Variants in NSD2 observed in about 807,000 individuals in gnomAD.
The protein encoded by NSD2 is histone-lysine N-methyltransferase NSD2.
In NSD2, 12 loss-of-function variants were observed where a neutral mutation model predicts 139.0. The observed-to-expected ratio is 0.09, with a 90% CI of 0.06 to 0.14. The LOEUF (loss-of-function observed/expected upper bound fraction) is 0.14. Ranked by LOEUF, NSD2 falls within the 10% of genes least tolerant of loss-of-function variation. The pLI is 1.00. For synonymous variants in NSD2, 669 were observed against 648.7 expected, an observed-to-expected ratio of 1.03 and a Z score of -0.48; for missense variants, 1,155 against 1,745.0, an observed-to-expected ratio of 0.66 and a Z score of 6.02.
At chr4:1,871,744 G>A (rs1289529416) in intron 1 of NSD2, among the ~76,000 whole-genome samples, 1 of 149,844 alleles carries the variant, frequency 6.7e-6, no homozygotes, top group East Asian at 2.0e-4. Flanking sequence ...GGCGGCCTGA[G>A]AGGGTCGTGG....
intron 18 of NSD2, among the ~76,000 whole-genome samples, chr4:1,967,378 G>T (rs1725997643): frequency 6.6e-6 from 1 of 152,196 alleles, no homozygotes; most frequent in Non-Finnish European, 1.5e-5. Flanking sequence ...AGGAGTTCGA[G>T]ACCAGCCTGG....
intron 1 of NSD2, among the ~76,000 whole-genome samples, chr4:1,897,709 C>T (rs1479442585): frequency 6.6e-6 from 1 of 152,204 alleles, no homozygotes; most frequent in Non-Finnish European, 1.5e-5. Context: ...TTATTGCAGC[C>T]TCCACCTCCT....
At position 1,973,898 on chromosome 4, in the gene NSD2, G is replaced by A. The variant is rs577430804; in HGVS notation, c.3373-965G>A. On this transcript the variant is annotated intron_variant, in intron 18 of 21. Transcript: ENST00000508803. The surrounding 1 kb of genome is among the most constrained non-coding windows in gnomAD (Gnocchi z 5.5). Reference sequence around the variant, plus strand: ...GGCTCCTCAGGTGGAGGCCGGGGCCGTCCATTCCCTGCTGCTGGGTGGAGA... The same window carrying A: ...GGCTCCTCAGGTGGAGGCCGGGGCCATCCATTCCCTGCTGCTGGGTGGAGA... Among the ~76,000 whole-genome samples the A allele has an allele frequency of 2.0e-5, 3 of 152,202 alleles. No individual in the cohort carries two copies. Among genetic ancestry groups the A allele is most frequent in the Non-Finnish European group, 4.4e-5 (3 of 68,042 alleles).
chr4:1,948,134 A>C lies in NSD2; in HGVS notation c.1882-2938A>C. 9.4e-7 allele frequency: 1 copy of C among 1,061,606 alleles called. No individual in the cohort carries two copies. Among genetic ancestry groups the C allele is most frequent in the Admixed American group, 5.4e-5 (1 of 18,580 alleles). 65.8% of individuals were successfully genotyped at this position (1,061,606 alleles called of 1,614,324 possible). On this transcript the variant is annotated intron_variant, in intron 9 of 21. Transcript: ENST00000508803. This position sits in a 1 kb window ranked among gnomAD's most constrained non-coding sequence, Gnocchi z 4.5. ...ATCTTATTCTGAGTAGAGAGTGGAGAAAGTATTTTCAGACTGAAGAAAACT... is the reference window on the plus strand; with the variant it reads ...ATCTTATTCTGAGTAGAGAGTGGAGCAAGTATTTTCAGACTGAAGAAAACT...
chr4:1,929,897 A>C (rs938155714), intron 5 of NSD2, among the ~76,000 whole-genome samples: 2 of 150,832 alleles, frequency 1.3e-5, no homozygotes, highest in Non-Finnish European at 1.5e-5. Context: ...AGGATTTCAA[A>C]CCCCCAGGTT....
At chr4:1,898,630 A>G (rs1022098021) in intron 1 of NSD2, among the ~76,000 whole-genome samples, 4 of 150,992 alleles carry the variant, frequency 2.6e-5, no homozygotes, top group African/African-American at 9.8e-5. Context: ...ACTGCAGTCC[A>G]ACCTGGGTGA....
chr4:1,958,547 AGGGCT>A lies in NSD2; in HGVS notation c.2985+513_2985+517del, dbSNP rs1224997952. Among the ~76,000 whole-genome samples the A allele has an allele frequency of 6.6e-6, 1 of 152,262 alleles. No individual in the cohort carries two copies. The highest frequency in any genetic ancestry group is 6.5e-5 in the Admixed American group (1 of 15,294). ...GCTCTGTGAGAGCTCCAGGCCCCTC[AGGGCT>A]GCCTGCGCTCAGAGCTGGTGCGGCA... is the stretch of plus-strand genomic sequence containing the variant. On this transcript the variant is annotated intron_variant, in intron 16 of 21. Coordinates refer to ENST00000508803, the MANE Select transcript of NSD2 (RefSeq NM_001042424.3). This position sits in a 1 kb window ranked among gnomAD's most constrained non-coding sequence, Gnocchi z 4.6.
Position 1,972,599 on chromosome 4 carries a change from G to A in NSD2, c.3373-2264G>A, listed in dbSNP as rs757283893. Reference sequence around the variant, plus strand: ...CCAAAGCCAGGGCCGGGCAGCCCACGTACCACGCACTGATGCCTCCCCTCA... The same window carrying A: ...CCAAAGCCAGGGCCGGGCAGCCCACATACCACGCACTGATGCCTCCCCTCA... On this transcript the variant is annotated intron_variant, in intron 18 of 21. Coordinates refer to ENST00000508803, the MANE Select transcript of NSD2 (RefSeq NM_001042424.3). The surrounding 1 kb of genome is among the most constrained non-coding windows in gnomAD (Gnocchi z 4.0). Among the ~76,000 whole-genome samples, 6 of 152,154 alleles carry A rather than the reference G, an allele frequency of 3.9e-5. No homozygotes were observed. Among genetic ancestry groups the A allele is most frequent in the Non-Finnish European group, 7.3e-5 (5 of 68,032 alleles).
intron 9 of NSD2, chr4:1,945,189 A>G (rs1407268728): frequency 9.4e-7 from 1 of 1,064,776 alleles, no homozygotes; most frequent in Non-Finnish European, 1.1e-6. Context: ...GCCTAGGTAG[A>G]TTTAAAATGG....
At chr4:1,926,300 G>T (rs957432352) in intron 5 of NSD2, among the ~76,000 whole-genome samples, 11 of 151,414 alleles carry the variant, frequency 7.3e-5, no homozygotes, top group Non-Finnish European at 8.8e-5. Context: ...GATTACAGGT[G>T]CCCACCACCA....
rs1281608141 is a variant in NSD2, at chr4:1,872,591, T to TGTGTGTGTGAGAGAGAGAGA, written c.-30+1050_-30+1051insTGTGTGTGAGAGAGAGAGAG. The stretch of plus-strand genomic sequence containing the variant: ...GTGTGTGTGTGTGTGTGTGTGTGTG[T>TGTGTGTGTGAGAGAGAGAGA]GAGAGAGAGAGAGAGAGAGAGAGAG... On this transcript the variant is annotated intron_variant, in intron 1 of 21. Transcript: ENST00000508803. 3.1e-4 allele frequency among the ~76,000 whole-genome samples: 14 copies of TGTGTGTGTGAGAGAGAGAGA among 44,888 alleles called. No individual in the cohort carries two copies. The East Asian group carries it at 5.1e-3, about 16-fold the overall frequency. 29.4% of individuals were successfully genotyped at this position (44,888 alleles called of 152,430 possible).
chr4:1,942,512 G>A lies in NSD2; in HGVS notation c.1881+2734G>A. On this transcript the variant is annotated intron_variant, in intron 9 of 21. Transcript: ENST00000508803. The surrounding 1 kb of genome is among the most constrained non-coding windows in gnomAD (Gnocchi z 4.0). ...AGATGTGTGATAATCTGTTTTTACT[G>A]GTATTAATAAACACATACAATGAAG... is the stretch of plus-strand genomic sequence containing the variant. The A allele has an allele frequency of 1.4e-6, 2 of 1,464,416 alleles. No homozygotes were observed. Among genetic ancestry groups the A allele is most frequent in the Admixed American group, 2.5e-5 (1 of 40,408 alleles). 90.7% of individuals were successfully genotyped at this position (1,464,416 alleles called of 1,614,324 possible). A position where few individuals can be genotyped will look rare whatever the true frequency, so the allele number is the denominator to read the frequency against.
At position 1,972,083 on chromosome 4, in the gene NSD2, G is replaced by A. The variant is rs551365643; in HGVS notation, c.3373-2780G>A. On this transcript the variant is annotated intron_variant, in intron 18 of 21. Coordinates refer to ENST00000508803, the MANE Select transcript of NSD2 (RefSeq NM_001042424.3). The surrounding 1 kb of genome is among the most constrained non-coding windows in gnomAD (Gnocchi z 4.0). ...CAGCAAGAGGCAAACAGTGTCTCTC[G>A]GAGAATGTGACGGCTGTGTTTGGTG... 5.9e-5 allele frequency among the ~76,000 whole-genome samples: 9 copies of A among 152,324 alleles called. No homozygotes were observed. The East Asian group carries it at 1.7e-3, about 29-fold the overall frequency.
chr4:1,872,639 C>T (rs34553169), intron 1 of NSD2, among the ~76,000 whole-genome samples: 1 of 50,646 alleles, frequency 2.0e-5, no homozygotes, highest in East Asian at 6.4e-4. Flanking sequence ...AGAGAGAGCG[C>T]GCAGACCCTG....
At chr4:1,910,548 TTGTGGA>T (rs1718531114) in intron 3 of NSD2, among the ~76,000 whole-genome samples, 1 of 152,204 alleles carries the variant, frequency 6.6e-6, no homozygotes, top group Non-Finnish European at 1.5e-5. Flanking sequence ...TAATTTTCTG[TTGTGGA>T]GATTTTTGTT....
At chr4:1,938,931 C>T (rs568981530) in intron 8 of NSD2, among the ~76,000 whole-genome samples, 2 of 152,090 alleles carry the variant, frequency 1.3e-5, no homozygotes, top group Admixed American at 6.5e-5. Flanking sequence ...AGTAAGGGCT[C>T]GTTATTTATA....
intron 3 of NSD2, among the ~76,000 whole-genome samples, chr4:1,911,016 T>A (rs974677003): frequency 6.6e-5 from 10 of 152,136 alleles, no homozygotes; most frequent in Non-Finnish European, 1.2e-4. Flanking sequence ...CCTGGAGCTT[T>A]ATCTCTGAGG....
intron 5 of NSD2, among the ~76,000 whole-genome samples, chr4:1,927,719 G>GAAAAAAA (rs1177170379): frequency 5.3e-5 from 1 of 18,910 alleles, no homozygotes; most frequent in Non-Finnish European, 1.3e-4. Context: ...TCTTATCTCA[G>GAAAAAAA]AAAAAAAAAA....
chr4:1,937,565 AT>A (rs1382263649), intron 7 of NSD2, among the ~76,000 whole-genome samples: 5 of 152,138 alleles, frequency 3.3e-5, no homozygotes, highest in African/African-American at 1.2e-4. Flanking sequence ...GTCTCTTCAG[AT>A]TTGGGTTTTA....
Sources: allele counts gnomAD v4.1 joint callset (sites outside exome capture counted in the v4.1 genomes callset), GRCh38; gene constraint gnomAD v4.1.1; non-coding constraint Gnocchi (gnomAD v3.1); transcripts MANE v1.5; gene names NCBI Gene and HGNC (gene_info 2026-07-23, HGNC 2026-07-21).